Variants in KCNJ1 observed in about 807,000 individuals in gnomAD.
KCNJ1 encodes the protein ATP-sensitive inward rectifier potassium channel 1.
Under a neutral mutation model 21.9 loss-of-function variants are expected in KCNJ1, and 24 were observed. That is an observed-to-expected ratio of 1.10 (90% CI 0.79 to 1.54). The LOEUF (loss-of-function observed/expected upper bound fraction) is 1.54, where lower values mean the gene tolerates loss of function less well. KCNJ1 is among the 40% of genes most tolerant of loss of function. The pLI, the probability that KCNJ1 is intolerant of heterozygous loss-of-function variation, is 0.00. For synonymous variants in KCNJ1, 152 were observed against 160.9 expected (o/e 0.94, Z 0.42); for missense variants, 457 against 455.4 (o/e 1.00, Z -0.03).
chr11:128,841,261 AG>A (rs1374045533), intron 2 of KCNJ1, among the ~76,000 whole-genome samples: 3 of 152,274 alleles, frequency 2.0e-5, no homozygotes, highest in Admixed American at 1.3e-4. Context: ...TACTCCATAA[AG>A]ACAGACCATA....
intron 1 of KCNJ1, among the ~76,000 whole-genome samples, chr11:128,855,068 C>T (rs1565528410): frequency 6.6e-6 from 1 of 152,184 alleles, no homozygotes; most frequent in Non-Finnish European, 1.5e-5. Context: ...GAGCTAATTT[C>T]TCAATGTAAT....
chr11:128,863,696 T>A (rs1943759129), intron 1 of KCNJ1, among the ~76,000 whole-genome samples: 1 of 152,174 alleles, frequency 6.6e-6, no homozygotes, highest in African/African-American at 2.4e-5. Context: ...TGCTTTTGGG[T>A]TGGGTTTTAT....
intron 1 of KCNJ1, among the ~76,000 whole-genome samples, chr11:128,860,722 G>T (rs1943690492): frequency 6.6e-6 from 1 of 152,206 alleles, no homozygotes; most frequent in Non-Finnish European, 1.5e-5. Context: ...ACAAGAAAAT[G>T]CTGAAGGAAG....
At chr11:128,851,847 T>C (rs1458986541) in intron 1 of KCNJ1, among the ~76,000 whole-genome samples, 1 of 152,206 alleles carries the variant, frequency 6.6e-6, no homozygotes, top group African/African-American at 2.4e-5. Context: ...TAGTATTCAT[T>C]ATGTTGCATG....
rs935017015 is a variant in KCNJ1 at position 128,839,811 on chromosome 11, A to G, written c.433T>C (p.Ser145Pro). Reference sequence around the variant, plus strand: ...GAATTGATTATAACTCCAAGTATAGACTGAAAGATAAGCAGAAAAATGGCA... The same window carrying G: ...GAATTGATTATAACTCCAAGTATAGGCTGAAAGATAAGCAGAAAAATGGCA... Reference protein sequence around the residue: ...ATAIFLLIFQSILGVIINSFM... With the variant: ...ATAIFLLIFQPILGVIINSFM... Residue 145 changes from serine (S) to proline (P), a missense_variant, in exon 3 of 3, where the codon TCT becomes CCT. By Grantham distance (74) the Ser-to-Pro change is moderately conservative (BLOSUM62 -1). Coordinates refer to ENST00000392666, the MANE Select transcript of KCNJ1 (RefSeq NM_153766.3). 1.9e-6 allele frequency: 3 copies of G among 1,614,048 alleles called. No homozygotes were observed. In the African/African-American group the frequency reaches 4.0e-5, roughly 22 times the overall value.
At position 128,854,104 on chromosome 11, in the gene KCNJ1, A is replaced by T. The variant is rs562620008; in HGVS notation, c.-191-3214T>A. Among the ~76,000 whole-genome samples, 145 of 128,560 alleles carry T rather than the reference A, an allele frequency of 1.1e-3. 1 individual carries two copies. Among genetic ancestry groups the T allele is most frequent in the African/African-American group, 4.1e-3 (141 of 34,560 alleles). The allele number at this position is 128,560 out of a possible 152,430, so 84.3% of individuals were successfully genotyped here. On this transcript the variant is annotated intron_variant, in intron 1 of 2. Transcript: ENST00000392666. Reference sequence around the variant, plus strand: ...GGTCTGAGAACGGTGTTTGGTTACGATCCTGGGTTGGCAGCTCCAGGGTGA... The same window carrying T: ...GGTCTGAGAACGGTGTTTGGTTACGTTCCTGGGTTGGCAGCTCCAGGGTGA...
rs1366020959 is a variant in KCNJ1, at chr11:128,850,869, G to A, written c.-170C>T. 1 of 985,364 alleles carries A rather than the reference G, an allele frequency of 1.0e-6. No homozygotes were observed. Among genetic ancestry groups the A allele is most frequent in the Admixed American group, 6.1e-5 (1 of 16,274 alleles). 61.0% of individuals were successfully genotyped at this position (985,364 alleles called of 1,614,324 possible). On this transcript the variant is annotated 5_prime_UTR_variant, in exon 2 of 3. Transcript: ENST00000392666. ...CTTTGTCAGGGCCCAGGATGGGGATGAAGGCACAGTAGAGAAGAAACCTGG... is the reference window on the plus strand; with the variant it reads ...CTTTGTCAGGGCCCAGGATGGGGATAAAGGCACAGTAGAGAAGAAACCTGG...
intron 1 of KCNJ1, among the ~76,000 whole-genome samples, chr11:128,864,271 A>C (rs1943776167): frequency 6.6e-6 from 1 of 151,508 alleles, no homozygotes; most frequent in South Asian, 2.1e-4. Context: ...ATTTTTAGAC[A>C]GATGAGGTTT....
In KCNJ1 at chr11:128,838,838, C is replaced by T. The variant is rs1943213696; in HGVS notation, c.*287G>A. On this transcript the variant is annotated 3_prime_UTR_variant, in exon 3 of 3. Transcript: ENST00000392666. ...GAAACTTTTGATAATTTTATCTGCT[C>T]CAATCCACCTTATATGAGCTCAAAT... The T allele has an allele frequency of 4.9e-6, 2 of 408,404 alleles. No individual in the cohort carries two copies. The highest frequency in any genetic ancestry group is 4.1e-5 in the African/African-American group (2 of 49,066). The allele number at this position is 408,404 out of a possible 1,614,324, so 25.3% of individuals were successfully genotyped here.
chr11:128,839,317 T>C lies in KCNJ1; in HGVS notation c.927A>G (p.Ile309Met). ...EVLWGYRFAP[I>M]VSKTKEGKYR... ...ATTTCCCTTCCTTTGTCTTGGATAC[T>C]ATGGGAGCAAAACGGTAGCCCCAAA... Residue 309 changes from isoleucine (I) to methionine (M), a missense_variant, in exon 3 of 3, where the codon ATA becomes ATG. By Grantham distance (10) the Ile-to-Met change is conservative. Coordinates refer to ENST00000392666, the MANE Select transcript of KCNJ1 (RefSeq NM_153766.3). The C allele has an allele frequency of 6.2e-7, 1 of 1,614,208 alleles. No individual in the cohort carries two copies. The highest frequency in any genetic ancestry group is 8.5e-7 in the Non-Finnish European group (1 of 1,180,038).
At chr11:128,859,831 G>A (rs997900121) in intron 1 of KCNJ1, among the ~76,000 whole-genome samples, 1 of 152,218 alleles carries the variant, frequency 6.6e-6, no homozygotes, top group African/African-American at 2.4e-5. Context: ...AAATTAAAAG[G>A]AGCCAAATAA....
chr11:128,845,525 G>A (rs1349496635), intron 2 of KCNJ1, among the ~76,000 whole-genome samples: 1 of 152,178 alleles, frequency 6.6e-6, no homozygotes, highest in East Asian at 1.9e-4. Flanking sequence ...GCCCCGAGAA[G>A]CAGTAAACCA....
At chr11:128,840,889 T>TA (rs1205849314) in intron 2 of KCNJ1, among the ~76,000 whole-genome samples, 1 of 152,200 alleles carries the variant, frequency 6.6e-6, no homozygotes, top group Non-Finnish European at 1.5e-5. Context: ...TGCATGTACC[T>TA]AGCCAGTGGC....
At chr11:128,847,226 T>A (rs998206675) in intron 2 of KCNJ1, among the ~76,000 whole-genome samples, 2 of 152,122 alleles carry the variant, frequency 1.3e-5, no homozygotes, top group Admixed American at 1.3e-4. Flanking sequence ...TCCAAAACCC[T>A]CTCAGTGAGA....
chr11:128,839,343 G>T lies in KCNJ1; in HGVS notation c.901C>A (p.Leu301Ile), dbSNP rs750408282. ...VRTSYVPEEV[L>I]WGYRFAPIVS... is the part of the protein sequence containing the mutation. ...ATGGGAGCAAAACGGTAGCCCCAAA[G>T]CACCTCCTCTGGGACATAGGATGTC... The change falls in exon 3 of 3, where the codon CTT (leucine) becomes ATT (isoleucine). Residue 301 changes from leucine (L) to isoleucine (I), a missense_variant. Physicochemically the swap from Leu to Ile is conservative, Grantham distance 5 (BLOSUM62 2). Transcript: ENST00000392666. 21 of 1,614,022 alleles carry T rather than the reference G, an allele frequency of 1.3e-5. No individual in the cohort carries two copies. The highest frequency in any genetic ancestry group is 3.3e-5 in the South Asian group (3 of 91,074).
chr11:128,839,883 C>A lies in KCNJ1; in HGVS notation c.361G>T (p.Val121Leu). 6.2e-7 allele frequency: 1 copy of A among 1,614,202 alleles called. No individual in the cohort carries two copies. Among genetic ancestry groups the A allele is most frequent in the Non-Finnish European group, 8.5e-7 (1 of 1,180,036 alleles). ...CACCTGAATCCATATCCAATGGTCA[C>A]TTGAGTCTCCAGAGAAAACAGAAAA... ...SAFLFSLETQ[V>L]TIGYGFRCVT... Residue 121 changes from valine to leucine, a missense_variant, in exon 3 of 3, where the codon GTG becomes TTG. Physicochemically the swap from Val to Leu is conservative, Grantham distance 32 (BLOSUM62 1). Coordinates refer to ENST00000392666, the MANE Select transcript of KCNJ1 (RefSeq NM_153766.3).
chr11:128,854,800 T>G (rs1943553949), intron 1 of KCNJ1, among the ~76,000 whole-genome samples: 1 of 152,216 alleles, frequency 6.6e-6, no homozygotes, highest in Non-Finnish European at 1.5e-5. Flanking sequence ...ATGATCTGTT[T>G]GATGACACAC....
chr11:128,842,923 A>G (rs542432851), intron 2 of KCNJ1, among the ~76,000 whole-genome samples: 7 of 152,376 alleles, frequency 4.6e-5, no homozygotes, highest in African/African-American at 1.4e-4. Flanking sequence ...TATTTACAAG[A>G]CAAAAGTAAG....
Position 128,854,620 on chromosome 11 carries a change from G to C in KCNJ1, c.-191-3730C>G, listed in dbSNP as rs1410801650. Among the ~76,000 whole-genome samples, 6 of 152,250 alleles carry C rather than the reference G, an allele frequency of 3.9e-5. No homozygotes were observed. In the East Asian group the frequency reaches 1.2e-3, roughly 29 times the overall value. On this transcript the variant is annotated intron_variant, in intron 1 of 2. Coordinates refer to ENST00000392666, the MANE Select transcript of KCNJ1 (RefSeq NM_153766.3). Reference sequence around the variant, plus strand: ...TGAGTCTACATTCAAGGACTCACGGGAGAATGACAGAAACCTCCCACTGTG... The same window carrying C: ...TGAGTCTACATTCAAGGACTCACGGCAGAATGACAGAAACCTCCCACTGTG...
Sources: allele counts gnomAD v4.1 joint callset (sites outside exome capture counted in the v4.1 genomes callset), GRCh38; gene constraint gnomAD v4.1.1; transcripts MANE v1.5; gene names NCBI Gene and HGNC (gene_info 2026-07-23, HGNC 2026-07-21).